Variants in STPG2 observed in about 807,000 individuals in gnomAD.
STPG2 encodes sperm tail PG-rich repeat containing 2.
A neutral mutation model predicts 54.2 loss-of-function variants in STPG2; 56 were observed. The observed-to-expected ratio is 1.03, with a 90% CI of 0.83 to 1.29. The LOEUF is 1.29. Ranked by LOEUF, STPG2 falls within the 50% of genes most tolerant of loss-of-function variation. The pLI, the probability that STPG2 is intolerant of heterozygous loss-of-function variation, is 0.00. For missense variants in STPG2, 596 were observed against 544.9 expected (o/e 1.09, Z -0.93); for synonymous variants, 200 against 181.8 (o/e 1.10, Z -0.81).
chr4:97,817,904 G>C (rs1578590926), intron 9 of STPG2, among the ~76,000 whole-genome samples: 1 of 151,658 alleles, frequency 6.6e-6, no homozygotes, highest in East Asian at 1.9e-4. Context: ...TCTTTTATAT[G>C]CATCAGATCT....
chr4:98,064,323 C>T (rs146761844), intron 5 of STPG2, among the ~76,000 whole-genome samples: 4 of 152,286 alleles, frequency 2.6e-5, no homozygotes, highest in Non-Finnish European at 4.4e-5. Flanking sequence ...ATCGCTACTA[C>T]AGACTAATAT....
intron 9 of STPG2, among the ~76,000 whole-genome samples, chr4:97,772,649 T>C (rs1315619227): frequency 6.6e-6 from 1 of 152,196 alleles, no homozygotes; most frequent in African/African-American, 2.4e-5. Context: ...TTGTAGTCAT[T>C]TAATTTTATT....
intron 5 of STPG2, among the ~76,000 whole-genome samples, chr4:98,030,250 G>A (rs933596578): frequency 6.6e-6 from 1 of 152,106 alleles, no homozygotes; most frequent in Non-Finnish European, 1.5e-5. Flanking sequence ...AGTCTATAAT[G>A]ACCCACAGTC....
At chr4:97,723,971 A>C in intron 9 of STPG2, among the ~76,000 whole-genome samples, 1 of 152,178 alleles carries the variant, frequency 6.6e-6, no homozygotes, top group Middle Eastern at 3.4e-3. Context: ...GAGCCAAACC[A>C]TATCAGTAAG....
At chr4:97,503,442 A>C (rs1465250045) in intron 4 of STPG2, among the ~76,000 whole-genome samples, 3 of 151,968 alleles carry the variant, frequency 2.0e-5, no homozygotes, top group African/African-American at 7.2e-5. Flanking sequence ...ATATTTCAAA[A>C]TGTACCAACT....
intron 3 of STPG2, among the ~76,000 whole-genome samples, chr4:98,111,299 G>C (rs1739341464): frequency 6.6e-6 from 1 of 152,130 alleles, no homozygotes; most frequent in Admixed American, 6.6e-5. Flanking sequence ...GTAGCGAGTA[G>C]GGGGCAATTC....
At chr4:97,801,077 T>G (rs544629310) in intron 9 of STPG2, among the ~76,000 whole-genome samples, 3 of 152,342 alleles carry the variant, frequency 2.0e-5, no homozygotes, top group Admixed American at 1.3e-4. Context: ...AGGTGCCGTC[T>G]GTCACAGCTT....
chr4:97,869,529 A>G (rs1729907275), intron 8 of STPG2, among the ~76,000 whole-genome samples: 1 of 151,740 alleles, frequency 6.6e-6, no homozygotes, highest in Non-Finnish European at 1.5e-5. Context: ...TAGGAGTTGA[A>G]TGCAGTTATA....
intron 5 of STPG2, among the ~76,000 whole-genome samples, chr4:98,100,555 T>A (rs1738994673): frequency 6.6e-6 from 1 of 151,982 alleles, no homozygotes; most frequent in African/African-American, 2.4e-5. Context: ...CCATCTATTG[T>A]AAGGGTGCAT....
At chr4:97,975,645 A>G (rs1422144687) in intron 6 of STPG2, among the ~76,000 whole-genome samples, 1 of 152,154 alleles carries the variant, frequency 6.6e-6, no homozygotes, top group African/African-American at 2.4e-5. Context: ...ACTCAATATG[A>G]TATACTTAAA....
intron 10 of STPG2, among the ~76,000 whole-genome samples, chr4:97,685,800 A>G (rs1723170482): frequency 6.6e-6 from 1 of 152,200 alleles, no homozygotes; most frequent in Non-Finnish European, 1.5e-5. Flanking sequence ...TAATATGAAG[A>G]CTGTGCTTTC....
At chr4:97,998,614 C>T (rs13134216) in intron 5 of STPG2, among the ~76,000 whole-genome samples, 61,773 of 151,892 alleles carry the variant, frequency 0.41, 12,765 homozygotes, top group African/African-American at 0.47. Flanking sequence ...GGTCAAAATA[C>T]GAAACTACTA....
intron 5 of STPG2, among the ~76,000 whole-genome samples, chr4:98,028,875 A>G (rs1324980953): frequency 6.6e-6 from 1 of 152,154 alleles, no homozygotes; most frequent in African/African-American, 2.4e-5. Flanking sequence ...AAATGTCAAT[A>G]TGCTATGTTT....
At chr4:97,737,195 C>A (rs554372379) in intron 9 of STPG2, among the ~76,000 whole-genome samples, 2 of 152,142 alleles carry the variant, frequency 1.3e-5, no homozygotes, top group Non-Finnish European at 1.5e-5. Context: ...GACATCCACA[C>A]CAAAACCCCA....
intron 5 of STPG2, among the ~76,000 whole-genome samples, chr4:98,077,212 C>T (rs1738193933): frequency 1.4e-5 from 2 of 142,132 alleles, no homozygotes; most frequent in African/African-American, 5.4e-5. Context: ...AGTTCTTTTG[C>T]GTCCTCAATA....
chr4:97,487,081 T>C (rs753484569), intron 4 of STPG2, among the ~76,000 whole-genome samples: 3 of 151,170 alleles, frequency 2.0e-5, no homozygotes, highest in Non-Finnish European at 4.4e-5. Context: ...ACAATGGACT[T>C]TGGGGACTTG....
intron 9 of STPG2, among the ~76,000 whole-genome samples, chr4:97,767,617 T>A (rs1726093580): frequency 6.6e-6 from 1 of 152,324 alleles, no homozygotes; most frequent in East Asian, 1.9e-4. Flanking sequence ...AATTGCAATT[T>A]TGGAAGCAAT....
intron 4 of STPG2, among the ~76,000 whole-genome samples, chr4:97,480,527 T>C (rs1730193798): frequency 2.0e-5 from 3 of 151,568 alleles, no homozygotes; most frequent in Non-Finnish European, 3.0e-5. Flanking sequence ...TGGTCTCTAG[T>C]TTTCTTTAAT....
chr4:97,452,114 G>T (rs1049050997), intron 4 of STPG2, among the ~76,000 whole-genome samples: 1 of 17,014 alleles, frequency 5.9e-5, no homozygotes, highest in African/African-American at 3.1e-4. Flanking sequence ...CAGGAGCCCC[G>T]CCCCCACCCC....
Sources: gnomAD v4.1 joint callset for allele counts (sites outside exome capture counted in the v4.1 genomes callset) on GRCh38, gnomAD v4.1.1 for gene constraint, MANE v1.5 for transcripts, NCBI Gene and HGNC (gene_info 2026-07-23, HGNC 2026-07-21) for gene names.